GRK5: variants seen among roughly 807,000 people sequenced by gnomAD.
GRK5 encodes G protein-coupled receptor kinase 5, also known as g protein-coupled receptor kinase GRK5.
A neutral mutation model predicts 78.4 loss-of-function variants in GRK5; 40 were observed. The observed-to-expected ratio is 0.51, with a 90% confidence interval of 0.40 to 0.66. The LOEUF (loss-of-function observed/expected upper bound fraction) is 0.66, where lower values mean the gene tolerates loss of function less well. GRK5 is among the 30% of genes least tolerant of loss of function. GRK5 has a pLI of 0.00. For synonymous variants in GRK5, 289 were observed against 296.8 expected (o/e 0.97, Z 0.27); for missense variants, 598 against 759.9 (o/e 0.79, Z 2.50).
At chr10:119,434,664 G>A (rs866399416) in intron 8 of GRK5, among the ~76,000 whole-genome samples, 3 of 152,254 alleles carry the variant, frequency 2.0e-5, no homozygotes, top group South Asian at 4.1e-4. Flanking sequence ...CCTCCTGGCT[G>A]CTTTCATGGG....
chr10:119,349,643 G>T (rs1289542878), intron 2 of GRK5, among the ~76,000 whole-genome samples: 1 of 152,212 alleles, frequency 6.6e-6, no homozygotes, highest in Non-Finnish European at 1.5e-5. Flanking sequence ...TGAGGGGTGG[G>T]CATTGGGTCT....
chr10:119,405,018 G>A (rs554812784), intron 4 of GRK5, among the ~76,000 whole-genome samples: 2 of 152,316 alleles, frequency 1.3e-5, no homozygotes, highest in East Asian at 3.9e-4. Context: ...TAATTGGGCC[G>A]GTGAGCAACA....
chr10:119,337,910 C>T (rs1253987121), intron 2 of GRK5, among the ~76,000 whole-genome samples: 1 of 152,164 alleles, frequency 6.6e-6, no homozygotes, highest in Non-Finnish European at 1.5e-5. Context: ...GCGTGAGCCA[C>T]CACACCTGGC....
At chr10:119,215,656 A>G (rs1046453671) in intron 1 of GRK5, among the ~76,000 whole-genome samples, 95 of 152,036 alleles carry the variant, frequency 6.2e-4, no homozygotes, top group African/African-American at 2.3e-3. Flanking sequence ...GGGTTAAGCT[A>G]CCATATCCTC....
chr10:119,362,568 C>T (rs1851383548), intron 2 of GRK5, among the ~76,000 whole-genome samples: 2 of 152,184 alleles, frequency 1.3e-5, no homozygotes, highest in Non-Finnish European at 2.9e-5. Context: ...TCCAGGATAT[C>T]GCAGGGAAGG....
intron 1 of GRK5, among the ~76,000 whole-genome samples, chr10:119,234,967 G>A (rs1013108753): frequency 1.3e-5 from 2 of 151,214 alleles, no homozygotes; most frequent in African/African-American, 2.4e-5. Flanking sequence ...GAGCTACCAC[G>A]CCCGGCCTAA....
At position 119,278,286 on chromosome 10, in the gene GRK5, C is replaced by T. The variant is rs115657768; in HGVS notation, c.53-48230C>T. 1.3e-3 allele frequency among the ~76,000 whole-genome samples: 202 copies of T among 152,096 alleles called. 2 individuals carry two copies. The highest frequency in any genetic ancestry group is 4.5e-3 in the African/African-American group (187 of 41,468). On this transcript the variant is annotated intron_variant, in intron 1 of 15. Coordinates refer to ENST00000392870, the MANE Select transcript of GRK5 (RefSeq NM_005308.3). ...CTCAGGGCTAGCTTGGCCTTGGCAC[C>T]TCACTGCAGGCCGCCCCTCTGCTTG...
At chr10:119,277,767 T>G (rs2133684491) in intron 1 of GRK5, among the ~76,000 whole-genome samples, 1 of 152,330 alleles carries the variant, frequency 6.6e-6, no homozygotes, top group South Asian at 2.1e-4. Context: ...GTTCTTGCTT[T>G]CTGTCGCTCT....
At chr10:119,425,130 A>C in intron 6 of GRK5, 45 bp downstream of exon 6, 1 of 1,351,360 alleles carries the variant, frequency 7.4e-7, no homozygotes, top group Non-Finnish European at 1.1e-6. Flanking sequence ...CAGAGGGTAC[A>C]CATTTTTCAT....
chr10:119,391,611 A>G (rs1851889364), intron 3 of GRK5, among the ~76,000 whole-genome samples: 2 of 151,900 alleles, frequency 1.3e-5, no homozygotes, highest in African/African-American at 4.8e-5. Context: ...GGGTCTGGAG[A>G]AGAGGGTCCG....
At chr10:119,382,814 C>G (rs1279915155) in intron 3 of GRK5, among the ~76,000 whole-genome samples, 1 of 152,200 alleles carries the variant, frequency 6.6e-6, no homozygotes, top group Non-Finnish European at 1.5e-5. Flanking sequence ...CCATAACCAT[C>G]CATCCCCCTT....
chr10:119,425,908 C>T lies in GRK5; in HGVS notation c.533+823C>T, dbSNP rs189856692. Among the ~76,000 whole-genome samples, 142 of 152,366 alleles carry T rather than the reference C, an allele frequency of 9.3e-4. 1 individual carries two copies. The highest frequency in any genetic ancestry group is 7.7e-4 in the East Asian group (4 of 5,186). On this transcript the variant is annotated intron_variant, in intron 6 of 15. Transcript: ENST00000392870. ...CTTCCCAGCAAGCCAGCAGTGCTGCCGACGAGGCCCCGGCCCTGAGCCCCC... is the reference window on the plus strand; with the variant it reads ...CTTCCCAGCAAGCCAGCAGTGCTGCTGACGAGGCCCCGGCCCTGAGCCCCC...
At chr10:119,372,601 A>C (rs1425830612) in intron 2 of GRK5, among the ~76,000 whole-genome samples, 1 of 152,092 alleles carries the variant, frequency 6.6e-6, no homozygotes, top group East Asian at 1.9e-4. Flanking sequence ...CCAGGGGTAA[A>C]TCTCATAGCT....
intron 1 of GRK5, among the ~76,000 whole-genome samples, chr10:119,293,288 G>A (rs779416005): frequency 1.3e-5 from 2 of 152,190 alleles, no homozygotes; most frequent in Non-Finnish European, 2.9e-5. Flanking sequence ...GGGAGGCTGA[G>A]GTGGGTGGAT....
intron 1 of GRK5, among the ~76,000 whole-genome samples, chr10:119,210,251 C>T (rs1564849195): frequency 1.3e-5 from 2 of 152,098 alleles, no homozygotes; most frequent in African/African-American, 2.4e-5. Flanking sequence ...AGAGGGCCTG[C>T]GGAAGCAGGG....
At chr10:119,280,145 A>C (rs1417301469) in intron 1 of GRK5, among the ~76,000 whole-genome samples, 1 of 152,126 alleles carries the variant, frequency 6.6e-6, no homozygotes, top group Non-Finnish European at 1.5e-5. Context: ...TTATCTCTGG[A>C]GGCTTCTCCC....
At chr10:119,385,226 A>G (rs192373128) in intron 3 of GRK5, among the ~76,000 whole-genome samples, 23 of 152,112 alleles carry the variant, frequency 1.5e-4, no homozygotes, top group Non-Finnish European at 1.5e-5. Context: ...GGTTTTTAGC[A>G]GAGCAGTGGC....
At chr10:119,417,872 C>T (rs1314430980) in intron 4 of GRK5, among the ~76,000 whole-genome samples, 1 of 152,178 alleles carries the variant, frequency 6.6e-6, no homozygotes, top group East Asian at 1.9e-4. Flanking sequence ...TTTCTCCGTG[C>T]CCTGTGGTGC....
intron 1 of GRK5, chr10:119,211,511 G>A (rs1848485849): frequency 6.6e-6 from 1 of 152,120 alleles, no homozygotes; most frequent in Non-Finnish European, 1.5e-5. Context: ...GTGAACAGTG[G>A]TGAGAAAAAA....
Sources: allele counts gnomAD v4.1 joint callset (sites outside exome capture counted in the v4.1 genomes callset), GRCh38; gene constraint gnomAD v4.1.1; transcripts MANE v1.5; gene names NCBI Gene and HGNC (gene_info 2026-07-23, HGNC 2026-07-21).